PSG2: variants seen among roughly 807,000 people sequenced by gnomAD.
PSG2 encodes pregnancy specific beta-1-glycoprotein 2.
PSG2 carries 49 observed loss-of-function variants against 36.2 expected under a neutral mutation model. The observed-to-expected ratio is 1.35, with a 90% CI of 1.08 to 1.72. The LOEUF is 1.72. Ranked by LOEUF, PSG2 falls within the 40% of genes most tolerant of loss-of-function variation. PSG2 has a pLI of 0.00. For missense variants in PSG2, 605 were observed against 407.2 expected (o/e 1.49, Z -4.18); for synonymous variants, 261 against 155.6 (o/e 1.68, Z -5.04).
intron 4 of PSG2, among the ~76,000 whole-genome samples, chr19:43,069,454 A>G (rs1446285580): frequency 4.6e-5 from 7 of 151,802 alleles, no homozygotes; most frequent in Admixed American, 2.6e-4. Flanking sequence ...TTCTGATTTC[A>G]GCATTTACTA....
intron 3 of PSG2, 73 bp downstream of exon 3, chr19:43,075,281 C>T: frequency 6.2e-7 from 1 of 1,612,440 alleles, no homozygotes; most frequent in Non-Finnish European, 8.5e-7. Context: ...CTGAGAGGGA[C>T]TGAGAGGCCT....
chr19:43,078,734 G>T (rs1387678357), intron 2 of PSG2, among the ~76,000 whole-genome samples: 3 of 151,624 alleles, frequency 2.0e-5, no homozygotes, highest in Non-Finnish European at 2.9e-5. Context: ...CTCCTGTTTG[G>T]CAGACTTGGA....
intron 1 of PSG2, 121 bp from the exon 2 acceptor site, chr19:43,081,367 ACACACAC>A: frequency 8.3e-7 from 1 of 1,208,136 alleles, no homozygotes; most frequent in Non-Finnish European, 1.1e-6. Context: ...ACACACACAC[ACACACAC>A]ACACACACAC....
At chr19:43,073,111 C>A (rs925682716) in intron 3 of PSG2, among the ~76,000 whole-genome samples, 5 of 151,860 alleles carry the variant, frequency 3.3e-5, no homozygotes, top group African/African-American at 1.2e-4. Context: ...CCTGAAGATA[C>A]TGAGCAGCCT....
rs930457507 is a variant in PSG2 at position 43,064,473 on chromosome 19, G to A, written c.*169C>T. 6.7e-6 allele frequency: 3 copies of A among 447,976 alleles called. No homozygotes were observed. Among genetic ancestry groups the A allele is most frequent in the Non-Finnish European group, 1.3e-5 (3 of 239,344 alleles). The allele number at this position is 447,976 out of a possible 1,614,324, so 27.8% of individuals were successfully genotyped here. ...ATAACATTGAGTATTTTTCTTCTTTGTCTTGAATTTCATGAAGGTATCAGC... is the reference window on the plus strand; with the variant it reads ...ATAACATTGAGTATTTTTCTTCTTTATCTTGAATTTCATGAAGGTATCAGC... On this transcript the variant is annotated 3_prime_UTR_variant, in exon 6 of 6. Transcript: ENST00000406487.
chr19:43,078,561 C>T (rs751173176), intron 2 of PSG2, among the ~76,000 whole-genome samples: 1 of 151,568 alleles, frequency 6.6e-6, no homozygotes, highest in East Asian at 1.9e-4. Context: ...TACCTAGAGG[C>T]GGATTCCAGC....
Position 43,081,224 on chromosome 19 carries a change from G to A in PSG2, c.87C>T (p.Asn29=). 2 of 1,612,324 alleles carry A rather than the reference G, an allele frequency of 1.2e-6. No homozygotes were observed. The highest frequency in any genetic ancestry group is 1.7e-6 in the Non-Finnish European group (2 of 1,179,478). The change falls in exon 2 of 6, where the codon AAC becomes AAT. Residue 29 remains asparagine (N), a synonymous_variant. Transcript: ENST00000406487. Reference sequence around the variant, plus strand: ...TCGTGACTTGGGCAGTGGTGGGCAGGTTCCAGAAGTTTAAAAGTGATGCTA... The same window carrying A: ...TCGTGACTTGGGCAGTGGTGGGCAGATTCCAGAAGTTTAAAAGTGATGCTA... ...LVTASLLNFW[N]LPTTAQVTIE... is the part of the protein sequence containing the mutation.
In PSG2 at chr19:43,071,886, A is replaced by G. The variant is rs751755020; in HGVS notation, c.778T>C (p.Ser260Pro). 1.2e-6 allele frequency: 2 copies of G among 1,612,874 alleles called. No homozygotes were observed. Among genetic ancestry groups the G allele is most frequent in the East Asian group, 2.2e-5 (1 of 44,904 alleles). Residue 260 changes from serine (S) to proline (P), a missense_variant, in exon 4 of 6, where the codon TCT becomes CCT. Coordinates refer to ENST00000406487, the MANE Select transcript of PSG2 (RefSeq NM_031246.4). ...GGTGGGTTAGAGTTCGCGAAGCAAG[A>G]CAAGTAGAGGTTATCTCCTGAACGG... ...NYRSGDNLYL[S>P]CFANSNPPAQ...
At chr19:43,072,525 T>C (rs977876310) in intron 3 of PSG2, 35 of 1,611,078 alleles carry the variant, frequency 2.2e-5, no homozygotes, top group Admixed American at 3.3e-5. Context: ...AGCCACCAAA[T>C]GTAGGTGTAG....
chr19:43,076,912 G>C (rs189744563), intron 2 of PSG2, among the ~76,000 whole-genome samples: 1,951 of 151,388 alleles, frequency 0.013, 96 homozygotes, highest in African/African-American at 0.046. Flanking sequence ...GCGCCAGTGA[G>C]CACTTCTTTT....
At chr19:43,072,994 C>A (rs1210038908) in intron 3 of PSG2, among the ~76,000 whole-genome samples, 1 of 151,704 alleles carries the variant, frequency 6.6e-6, no homozygotes, top group Non-Finnish European at 1.5e-5. Flanking sequence ...TGGGCCCCTT[C>A]CAAATTCCAT....
rs34135662 is a variant in PSG2, at chr19:43,068,270, A to G, written c.965-1670T>C. ...GGTAACCTGGGGAGACGCTGTGTGTACAAAAAAATAAAAAACCAATTAGCT... is the reference window on the plus strand; with the variant it reads ...GGTAACCTGGGGAGACGCTGTGTGTGCAAAAAAATAAAAAACCAATTAGCT... On this transcript the variant is annotated intron_variant, in intron 4 of 5. Coordinates refer to ENST00000406487, the MANE Select transcript of PSG2 (RefSeq NM_031246.4). Among the ~76,000 whole-genome samples the G allele has an allele frequency of 2.7e-5, 4 of 148,174 alleles. 1 individual carries two copies. The highest frequency in any genetic ancestry group is 9.8e-5 in the African/African-American group (4 of 40,664).
At chr19:43,072,494 A>T (rs1377903536) in intron 3 of PSG2, 1 of 1,611,142 alleles carries the variant, frequency 6.2e-7, no homozygotes, top group Non-Finnish European at 8.5e-7. Context: ...CCTGGGACTG[A>T]CCGGGAGGCT....
intron 4 of PSG2, 91 bp from the exon 5 acceptor site, chr19:43,066,691 T>C: frequency 1.4e-6 from 2 of 1,407,076 alleles, no homozygotes; most frequent in Non-Finnish European, 2.0e-6. Flanking sequence ...TGAGGTACTC[T>C]ATAATTGTTT....
At position 43,065,053 on chromosome 19, in the gene PSG2, T is replaced by C. The variant is rs573837118; in HGVS notation, c.*41-452A>G. ...GGTTTCACCGTGTTAACCAGGATGGTCTCGATCTCCTGACCTCGTGATCTA... is the reference window on the plus strand; with the variant it reads ...GGTTTCACCGTGTTAACCAGGATGGCCTCGATCTCCTGACCTCGTGATCTA... On this transcript the variant is annotated intron_variant, in intron 5 of 5. Coordinates refer to ENST00000406487, the MANE Select transcript of PSG2 (RefSeq NM_031246.4). Among the ~76,000 whole-genome samples, 311 of 151,654 alleles carry C rather than the reference T, an allele frequency of 2.1e-3. 5 individuals are homozygous for C. The highest frequency in any genetic ancestry group is 3.4e-3 in the Middle Eastern group (1 of 290).
At chr19:43,073,199 G>C (rs1294929567) in intron 3 of PSG2, among the ~76,000 whole-genome samples, 5 of 151,968 alleles carry the variant, frequency 3.3e-5, no homozygotes, top group East Asian at 1.9e-4. Flanking sequence ...CAGTCATCAG[G>C]CAGTGGAGGC....
At position 43,071,727 on chromosome 19, in the gene PSG2, A is replaced by C. The variant is rs764815455; in HGVS notation, c.937T>G (p.Ser313Ala). ...VRNSATGEESSTSLTVKVSAS... is the reference protein window; with the variant it reads ...VRNSATGEESATSLTVKVSAS... ...GAGACTTTGACTGTCAACGATGTGG[A>C]GCTTTCCTCGCCAGTGGCTGAGTTA... The change falls in exon 4 of 6, where the codon TCC becomes GCC. Residue 313 changes from serine (S) to alanine (A), a missense_variant. Ser to Ala is a moderately conservative substitution (Grantham distance 99). Coordinates refer to ENST00000406487, the MANE Select transcript of PSG2 (RefSeq NM_031246.4). 2 of 1,612,966 alleles carry C rather than the reference A, an allele frequency of 1.2e-6. No homozygotes were observed. The highest frequency in any genetic ancestry group is 1.7e-6 in the Non-Finnish European group (2 of 1,179,498).
At position 43,075,492 on chromosome 19, in the gene PSG2, G is replaced by A. The variant is rs753705992; in HGVS notation, c.571C>T (p.His191Tyr). ...TTGGTTTCGGACAGCTGAAACCTATGAGTCATAGGGAGGCTCTGACCATTC... is the reference window on the plus strand; with the variant it reads ...TTGGTTTCGGACAGCTGAAACCTATAAGTCATAGGGAGGCTCTGACCATTC... The part of the protein sequence containing the change: ...WMNGQSLPMT[H>Y]RFQLSETNRT... The change falls in exon 3 of 6, where the codon CAT becomes TAT. Residue 191 changes from histidine to tyrosine, a missense_variant. Transcript: ENST00000406487. The A allele has an allele frequency of 2.5e-6, 4 of 1,613,202 alleles. No individual in the cohort carries two copies. The highest frequency in any genetic ancestry group is 3.4e-6 in the Non-Finnish European group (4 of 1,179,710).
At position 43,071,745 on chromosome 19, in the gene PSG2, C is replaced by T. The variant is rs1555766319; in HGVS notation, c.919G>A (p.Ala307Thr). Residue 307 changes from alanine to threonine, a missense_variant, in exon 4 of 6, where the codon GCC (alanine) becomes ACC (threonine). Coordinates refer to ENST00000406487, the MANE Select transcript of PSG2 (RefSeq NM_031246.4). ...GATGTGGAGCTTTCCTCGCCAGTGGCTGAGTTACGAACAGAGCAAACATAG... is the reference window on the plus strand; with the variant it reads ...GATGTGGAGCTTTCCTCGCCAGTGGTTGAGTTACGAACAGAGCAAACATAG... Reference protein sequence around the residue: ...GLYVCSVRNSATGEESSTSLT... With the variant: ...GLYVCSVRNSTTGEESSTSLT... 1 of 1,613,022 alleles carries T rather than the reference C, an allele frequency of 6.2e-7. No individual in the cohort carries two copies.
Sources: gnomAD v4.1 joint callset for allele counts (sites outside exome capture counted in the v4.1 genomes callset) on GRCh38, gnomAD v4.1.1 for gene constraint, MANE v1.5 for transcripts, NCBI Gene and HGNC (gene_info 2026-07-23, HGNC 2026-07-21) for gene names.